Variants in ASTN2 observed in about 807,000 individuals in gnomAD.
ASTN2 encodes astrotactin-2.
ASTN2 carries 54 observed loss-of-function variants against 139.8 expected under a neutral mutation model. That is an observed-to-expected ratio of 0.39 (90% confidence interval 0.31 to 0.48). The LOEUF (loss-of-function observed/expected upper bound fraction) is 0.48, where lower values mean the gene tolerates loss of function less well. Among genes scored for constraint, ASTN2 ranks in the 20% least tolerant of loss-of-function variants. The probability of loss-of-function intolerance (pLI) is 0.95; values close to 1 mark genes in which losing one functional copy is unlikely to be tolerated. For missense variants in ASTN2, 1,565 were observed against 1,725.1 expected (o/e 0.91, Z 1.64); for synonymous variants, 756 against 719.5 (o/e 1.05, Z -0.81).
chr9:116,502,659 G>C (rs1849909983), intron 19 of ASTN2, among the ~76,000 whole-genome samples: 1 of 140,192 alleles, frequency 7.1e-6, no homozygotes, highest in South Asian at 2.3e-4. Context: ...AGGCAAACAA[G>C]AAAAACAGAA....
chr9:117,163,833 C>G (rs897903332), intron 3 of ASTN2, among the ~76,000 whole-genome samples: 7 of 152,042 alleles, frequency 4.6e-5, no homozygotes, highest in Non-Finnish European at 1.0e-4. Context: ...GACTTCCACT[C>G]TTGTAACACT....
intron 3 of ASTN2, among the ~76,000 whole-genome samples, chr9:117,210,442 T>C (rs546100886): frequency 2.0e-4 from 30 of 151,992 alleles, no homozygotes; most frequent in Non-Finnish European, 3.5e-4. Context: ...TATAGGTCAA[T>C]AAATTTGAAA....
intron 1 of ASTN2, among the ~76,000 whole-genome samples, chr9:117,394,887 C>T (rs1830636766): frequency 6.6e-6 from 1 of 151,996 alleles, no homozygotes; most frequent in Non-Finnish European, 1.5e-5. Flanking sequence ...GAGAGAAAGA[C>T]AACCTTTGGG....
intron 2 of ASTN2, among the ~76,000 whole-genome samples, chr9:117,271,954 G>T (rs1834075775): frequency 6.6e-6 from 1 of 152,144 alleles, no homozygotes; most frequent in Admixed American, 6.5e-5. Flanking sequence ...CCATTCTGGG[G>T]TCTGAAGGAT....
At chr9:117,047,149 G>A (rs187253291) in intron 5 of ASTN2, among the ~76,000 whole-genome samples, 4 of 152,254 alleles carry the variant, frequency 2.6e-5, no homozygotes, top group East Asian at 1.9e-4. Flanking sequence ...ATTGGGACAC[G>A]TCATCTGACA....
intron 2 of ASTN2, among the ~76,000 whole-genome samples, chr9:117,275,445 C>A (rs1298796880): frequency 2.0e-5 from 3 of 152,116 alleles, no homozygotes; most frequent in Non-Finnish European, 4.4e-5. Flanking sequence ...GAGGCACCAG[C>A]AGGATTGGTT....
At chr9:117,166,225 GA>G (rs1830667316) in intron 3 of ASTN2, among the ~76,000 whole-genome samples, 1 of 151,984 alleles carries the variant, frequency 6.6e-6, no homozygotes, top group Admixed American at 6.6e-5. Context: ...AAGGGAAAAA[GA>G]GACACAAAAA....
At chr9:117,406,305 G>A (rs967129318) in intron 1 of ASTN2, among the ~76,000 whole-genome samples, 3 of 152,164 alleles carry the variant, frequency 2.0e-5, no homozygotes, top group Non-Finnish European at 2.9e-5. Context: ...ACCCATCGTT[G>A]GTCCTGTACA....
rs1307449878 is a variant in ASTN2, at chr9:117,414,056, C to G, written c.442+441G>C. 6.6e-6 allele frequency among the ~76,000 whole-genome samples: 1 copy of G among 152,180 alleles called. No individual in the cohort carries two copies. The highest frequency in any genetic ancestry group is 6.5e-5 in the Admixed American group (1 of 15,280). ...TGAAAATCCATCTGGAAGGGCAGAA[C>G]CCGCAACTCCGAGGCGAGAGCGAGG... is the stretch of plus-strand genomic sequence containing the variant. On this transcript the variant is annotated intron_variant, in intron 1 of 22. Coordinates refer to ENST00000313400, the MANE Select transcript of ASTN2 (RefSeq NM_001365068.1). The surrounding 1 kb of genome is among the most constrained non-coding windows in gnomAD (Gnocchi z 4.2).
chr9:116,973,602 G>A (rs1047135260), intron 10 of ASTN2, among the ~76,000 whole-genome samples: 3 of 152,190 alleles, frequency 2.0e-5, no homozygotes, highest in Admixed American at 1.3e-4. Context: ...GATTTCAAAC[G>A]AGGTAACTGT....
chr9:117,001,992 T>C (rs1414675456), intron 7 of ASTN2, among the ~76,000 whole-genome samples: 1 of 152,228 alleles, frequency 6.6e-6, no homozygotes, highest in Non-Finnish European at 1.5e-5. Flanking sequence ...ATCTAATGAA[T>C]TGAACTAAAT....
chr9:117,199,602 T>C (rs950286297), intron 3 of ASTN2, among the ~76,000 whole-genome samples: 3 of 152,064 alleles, frequency 2.0e-5, no homozygotes, highest in Admixed American at 2.0e-4. Flanking sequence ...TTGTCTTGGC[T>C]ACATGGGTTC....
intron 1 of ASTN2, among the ~76,000 whole-genome samples, chr9:117,359,521 G>A (rs1024945631): frequency 2.6e-5 from 4 of 152,156 alleles, no homozygotes; most frequent in Non-Finnish European, 5.9e-5. Context: ...TTCTATGTAC[G>A]CATGTAGGTC....
intron 13 of ASTN2, among the ~76,000 whole-genome samples, chr9:116,780,517 G>A (rs987845990): frequency 6.6e-6 from 1 of 152,142 alleles, no homozygotes; most frequent in African/African-American, 2.4e-5. Context: ...GGTGTGAGAA[G>A]CAATTGGAAA....
Position 116,459,034 on chromosome 9 carries a change from G to A in ASTN2, c.3498-16481C>T, listed in dbSNP as rs538101054. 1.6e-4 allele frequency among the ~76,000 whole-genome samples: 25 copies of A among 152,178 alleles called. No individual in the cohort carries two copies. The South Asian group carries it at 4.8e-3, about 29-fold the overall frequency. On this transcript the variant is annotated intron_variant, in intron 20 of 22. Coordinates refer to ENST00000313400, the MANE Select transcript of ASTN2 (RefSeq NM_001365068.1). ...TTACAGAGCTATGGTAATCAAGACTGTGAGACACCAGTATGAGGACAGATG... is the reference window on the plus strand; with the variant it reads ...TTACAGAGCTATGGTAATCAAGACTATGAGACACCAGTATGAGGACAGATG...
chr9:117,295,315 C>A (rs957987364), intron 1 of ASTN2, among the ~76,000 whole-genome samples: 1 of 151,852 alleles, frequency 6.6e-6, no homozygotes, highest in Non-Finnish European at 1.5e-5. Flanking sequence ...GAATGAGACC[C>A]TGTCTTTAAA....
chr9:117,372,565 A>G (rs1367371177), intron 1 of ASTN2, among the ~76,000 whole-genome samples: 1 of 152,158 alleles, frequency 6.6e-6, no homozygotes, highest in Non-Finnish European at 1.5e-5. Context: ...TCATCTGCAA[A>G]CTGGATATAA....
intron 19 of ASTN2, among the ~76,000 whole-genome samples, chr9:116,549,768 AG>A (rs111719221): frequency 6.6e-6 from 1 of 152,042 alleles, no homozygotes; most frequent in African/African-American, 2.4e-5. Flanking sequence ...TTTCCACTGG[AG>A]TGCCCTTCCC....
intron 10 of ASTN2, among the ~76,000 whole-genome samples, chr9:116,919,651 T>TTTTC (rs1834543523): frequency 6.7e-6 from 1 of 149,780 alleles, no homozygotes; most frequent in African/African-American, 2.5e-5. Context: ...TTTTTTTTTT[T>TTTTC]TTTTTTTTTT....
Sources: allele counts gnomAD v4.1 joint callset (sites outside exome capture counted in the v4.1 genomes callset), GRCh38; gene constraint gnomAD v4.1.1; non-coding constraint Gnocchi (gnomAD v3.1); transcripts MANE v1.5; gene names NCBI Gene and HGNC (gene_info 2026-07-23, HGNC 2026-07-21).